NHS: variants seen among roughly 807,000 people sequenced by gnomAD.
NHS encodes the protein NHS actin remodeling regulator, also known as actin remodeling regulator NHS.
A neutral mutation model predicts 72.5 loss-of-function variants in NHS; 5 were observed. That is an observed-to-expected ratio of 0.07 (90% confidence interval 0.04 to 0.14). NHS has a LOEUF of 0.14. Ranked by LOEUF, NHS falls within the 10% of genes least tolerant of loss-of-function variation. The pLI is 1.00. For synonymous variants in NHS, 464 were observed against 547.7 expected (o/e 0.85, Z 2.13); for missense variants, 1,072 against 1,355.7 (o/e 0.79, Z 3.29).
In NHS at chrX:17,375,787, G is replaced by T. The variant is rs998425922; in HGVS notation, c.30G>T (p.Pro10=). 5 of 1,151,688 alleles carry T rather than the reference G, an allele frequency of 4.3e-6. No individual in the cohort carries two copies. Among genetic ancestry groups the T allele is most frequent in the Non-Finnish European group, 5.7e-6 (5 of 871,796 alleles). 94.9% of individuals were successfully genotyped at this position (1,151,688 alleles called of 1,213,427 possible). MPFAKRIVE[P]QWLCRQRRPA... is the part of the protein sequence containing the mutation. ...CTTTCGCCAAGCGGATCGTGGAGCC[G>T]CAATGGCTGTGCAGGCAGCGGCGCC... Residue 10 remains proline, a synonymous_variant, in exon 1 of 9, where the codon CCG becomes CCT. Transcript: ENST00000676302.
intron 1 of NHS, among the ~76,000 whole-genome samples, chrX:17,429,515 C>T (rs1046206952): frequency 1.8e-5 from 2 of 111,155 alleles, no homozygotes; most frequent in African/African-American, 3.3e-5. Context: ...CACACATGCA[C>T]GGAATCTTTT....
At chrX:17,485,350 T>A (rs1398266077) in intron 1 of NHS, among the ~76,000 whole-genome samples, 4 of 112,804 alleles carry the variant, frequency 3.5e-5, no homozygotes, top group Non-Finnish European at 7.5e-5. Flanking sequence ...TTGTAAACAT[T>A]CTGCACACAA....
intron 1 of NHS, among the ~76,000 whole-genome samples, chrX:17,445,254 C>T (rs1454676417): frequency 8.9e-6 from 1 of 111,736 alleles, no homozygotes. Flanking sequence ...AGACTCATTT[C>T]TCCTAGGTCC....
chrX:17,685,212 G>A (rs758431412), intron 1 of NHS, among the ~76,000 whole-genome samples: 10 of 112,032 alleles, frequency 8.9e-5, no homozygotes, highest in South Asian at 7.5e-4. Flanking sequence ...ACCAAATGAC[G>A]TCACTGAGAG....
rs761691942 is a variant in NHS at position 17,691,723 on chromosome X, C to T, written c.719-612C>T. On this transcript the variant is annotated intron_variant, in intron 2 of 8. Transcript: ENST00000676302. ...ATGGCAGTAAAGGCACCCACCACAG[C>T]CCATTCGAAATACAGAGAAATGTAA... 7.1e-5 allele frequency among the ~76,000 whole-genome samples: 8 copies of T among 111,895 alleles called. 1 individual carries two copies. In the South Asian group the frequency reaches 3.0e-3, roughly 42 times the overall value.
chrX:17,681,255 T>TC (rs2066127203), intron 1 of NHS, among the ~76,000 whole-genome samples: 1 of 112,274 alleles, frequency 8.9e-6, no homozygotes, highest in South Asian at 3.7e-4. Flanking sequence ...TGGACCCTGA[T>TC]CCTGGCCTCC....
At chrX:17,723,742 T>TGC (rs2066420266) in intron 5 of NHS, among the ~76,000 whole-genome samples, 2 of 91,275 alleles carry the variant, frequency 2.2e-5, no homozygotes, top group African/African-American at 1.0e-4. Context: ...TGTGTGTGTG[T>TGC]GTGTGTGTGT....
At chrX:17,455,478 A>G (rs2064822228) in intron 1 of NHS, among the ~76,000 whole-genome samples, 1 of 112,109 alleles carries the variant, frequency 8.9e-6, no homozygotes, top group Admixed American at 9.5e-5. Flanking sequence ...TCCAACAACC[A>G]TACTCAATTG....
At chrX:17,568,665 A>ATTATTC (rs1253300672) in intron 1 of NHS, among the ~76,000 whole-genome samples, 2 of 104,194 alleles carry the variant, frequency 1.9e-5, no homozygotes, top group East Asian at 3.0e-4. Flanking sequence ...TATTATTATT[A>ATTATTC]TTATTATTAT....
At chrX:17,435,641 G>A (rs2064718484) in intron 1 of NHS, among the ~76,000 whole-genome samples, 1 of 113,122 alleles carries the variant, frequency 8.8e-6, no homozygotes, top group African/African-American at 3.2e-5. Flanking sequence ...AAGGGCCAAA[G>A]GGCAAGCCCT....
intron 1 of NHS, among the ~76,000 whole-genome samples, chrX:17,522,690 CT>C (rs2065156068): frequency 9.0e-6 from 1 of 110,758 alleles, no homozygotes; most frequent in Admixed American, 9.6e-5. Flanking sequence ...GGGAAGCTTT[CT>C]TTGTGAGGTG....
At chrX:17,569,709 T>C (rs1241399736) in intron 1 of NHS, among the ~76,000 whole-genome samples, 1 of 111,837 alleles carries the variant, frequency 8.9e-6, no homozygotes, top group Admixed American at 9.5e-5. Context: ...TTTGTTGCCA[T>C]TGCTTTTGGT....
intron 1 of NHS, among the ~76,000 whole-genome samples, chrX:17,591,055 A>G (rs917390920): frequency 8.9e-6 from 1 of 112,223 alleles, no homozygotes; most frequent in African/African-American, 3.2e-5. Flanking sequence ...AGCAACACAT[A>G]AATCTGAAGG....
At chrX:17,613,796 G>A (rs1422477833) in intron 1 of NHS, among the ~76,000 whole-genome samples, 7 of 112,193 alleles carry the variant, frequency 6.2e-5, no homozygotes, top group Admixed American at 4.7e-4. Flanking sequence ...ATACTGAAGA[G>A]TGCAGTTAAA....
At chrX:17,529,011 C>T in intron 1 of NHS, among the ~76,000 whole-genome samples, 1 of 110,367 alleles carries the variant, frequency 9.1e-6, no homozygotes, top group Middle Eastern at 4.6e-3. Context: ...TTTGTTTTCC[C>T]TCCCTCCTTC....
At chrX:17,491,696 T>C (rs2064992099) in intron 1 of NHS, among the ~76,000 whole-genome samples, 1 of 109,945 alleles carries the variant, frequency 9.1e-6, no homozygotes, top group Non-Finnish European at 1.9e-5. Context: ...GAAGGAATGG[T>C]ACCAGCTCCT....
At chrX:17,586,240 G>C (rs1397683277) in intron 1 of NHS, 12 of 111,382 alleles carry the variant, frequency 1.1e-4, no homozygotes, top group Non-Finnish European at 2.3e-4. Context: ...GAGGTGCTGT[G>C]GGTTGGGTGA....
chrX:17,491,549 G>C (rs1251048905), intron 1 of NHS, among the ~76,000 whole-genome samples: 2 of 111,248 alleles, frequency 1.8e-5, no homozygotes, highest in African/African-American at 6.5e-5. Context: ...TTTTTGCATC[G>C]ATGTTCATCA....
chrX:17,526,805 C>G (rs757814727), intron 1 of NHS, among the ~76,000 whole-genome samples: 1 of 112,166 alleles, frequency 8.9e-6, no homozygotes, highest in Admixed American at 9.4e-5. Context: ...ATGAGCTAAT[C>G]TATTTCAAGT....
Sources: allele counts gnomAD v4.1 joint callset (sites outside exome capture counted in the v4.1 genomes callset), GRCh38; gene constraint gnomAD v4.1.1; transcripts MANE v1.5; gene names NCBI Gene and HGNC (gene_info 2026-07-23, HGNC 2026-07-21).